Variants in ZNF236 observed in about 807,000 individuals in gnomAD.
ZNF236 encodes regulated by glucose.
ZNF236 carries 50 observed loss-of-function variants against 191.2 expected under a neutral mutation model. The observed-to-expected ratio is 0.26, with a 90% CI of 0.21 to 0.33. ZNF236 has a LOEUF of 0.33. Among genes scored for constraint, ZNF236 ranks in the 10% least tolerant of loss-of-function variants. The pLI, the probability that ZNF236 is intolerant of heterozygous loss-of-function variation, is 1.00. For missense variants in ZNF236, 1,754 were observed against 2,374.5 expected (o/e 0.74, Z 5.43); for synonymous variants, 907 against 928.8 (o/e 0.98, Z 0.43).
chr18:76,925,675 GCCTTTT>G lies in ZNF236; in HGVS notation c.4027+126_4027+131del. ...GTAGCACCACGTTTCCCTTCTTTGAGCCTTTTCCTTATAAGGCATTCGGAAAAATTG... is the reference window on the plus strand; with the variant it reads ...GTAGCACCACGTTTCCCTTCTTTGAGCCTTATAAGGCATTCGGAAAAATTG... On this transcript the variant is annotated intron_variant, in intron 22 of 30. Transcript: ENST00000320610. This position sits in a 1 kb window ranked among gnomAD's most constrained non-coding sequence, Gnocchi z 5.7. 7.3e-7 allele frequency: 1 copy of G among 1,368,564 alleles called. No homozygotes were observed. The highest frequency in any genetic ancestry group is 9.7e-7 in the Non-Finnish European group (1 of 1,034,552). The allele number at this position is 1,368,564 out of a possible 1,614,324, so 84.8% of individuals were successfully genotyped here.
At chr18:76,826,074 G>C (rs1230896409) in intron 1 of ZNF236, among the ~76,000 whole-genome samples, 1 of 152,066 alleles carries the variant, frequency 6.6e-6, no homozygotes, top group African/African-American at 2.4e-5. Flanking sequence ...AAGGGATGTA[G>C]GGATTTTTAC....
chr18:76,937,941 C>T (rs1444812121), intron 26 of ZNF236, among the ~76,000 whole-genome samples: 1 of 152,160 alleles, frequency 6.6e-6, no homozygotes, highest in Non-Finnish European at 1.5e-5. Context: ...TATAACAAAG[C>T]TATGCCAGCA....
At chr18:76,920,974 C>T (rs17060097) in intron 20 of ZNF236, among the ~76,000 whole-genome samples, 4,760 of 152,254 alleles carry the variant, frequency 0.031, 244 homozygotes, top group African/African-American at 0.11. Flanking sequence ...ATGTTTTGCT[C>T]TAGGAGATAG....
Position 76,968,191 on chromosome 18 carries a change from GTGTTTTC to G in ZNF236, c.5420-22_5420-16del. The G allele has an allele frequency of 6.2e-7, 1 of 1,613,628 alleles. No homozygotes were observed. On this transcript the variant is annotated splice_polypyrimidine_tract_variant and intron_variant, in intron 30 of 30. Transcript: ENST00000320610. ...TGCTCTGGAAGGTCTGAGGCTGCTT[GTGTTTTC>G]TTTGTCTGCATAACAGGAGCTCTGC...
intron 21 of ZNF236, among the ~76,000 whole-genome samples, chr18:76,924,305 C>G (rs1018230637): frequency 6.6e-6 from 1 of 152,198 alleles, no homozygotes; most frequent in Non-Finnish European, 1.5e-5. Context: ...ACTTGGTGCA[C>G]GCTGCTTCAT....
chr18:76,950,364 G>A (rs184383098), intron 27 of ZNF236, among the ~76,000 whole-genome samples: 2 of 152,276 alleles, frequency 1.3e-5, no homozygotes, highest in Non-Finnish European at 1.5e-5. Context: ...TCATCACCAG[G>A]AGTAGATTCC....
intron 9 of ZNF236, among the ~76,000 whole-genome samples, chr18:76,882,926 T>C (rs920555584): frequency 6.6e-6 from 1 of 152,206 alleles, no homozygotes; most frequent in African/African-American, 2.4e-5. Context: ...TCTGTGCGAG[T>C]GCCCGCCTGA....
chr18:76,846,982 G>A (rs188738060), intron 1 of ZNF236, among the ~76,000 whole-genome samples: 6 of 151,890 alleles, frequency 4.0e-5, no homozygotes, highest in Admixed American at 6.6e-5. Context: ...TTTCGCAGAG[G>A]GGGTATCACT....
intron 4 of ZNF236, 40 bp from the exon 5 acceptor site, chr18:76,871,661 G>T: frequency 1.2e-6 from 2 of 1,610,804 alleles, no homozygotes; most frequent in South Asian, 1.1e-5. Flanking sequence ...GTACAAGGGA[G>T]ACATCTTACT....
At chr18:76,830,467 C>G (rs1252095974) in intron 1 of ZNF236, among the ~76,000 whole-genome samples, 3 of 152,160 alleles carry the variant, frequency 2.0e-5, no homozygotes, top group African/African-American at 7.2e-5. Flanking sequence ...ACAGTCCTGG[C>G]TTCCTCTCCT....
At chr18:76,828,856 G>A (rs967282349) in intron 1 of ZNF236, among the ~76,000 whole-genome samples, 4 of 152,106 alleles carry the variant, frequency 2.6e-5, no homozygotes, top group African/African-American at 9.7e-5. Context: ...TAGTAGAGAC[G>A]GGGTTTCACC....
intron 1 of ZNF236, among the ~76,000 whole-genome samples, chr18:76,831,271 C>G (rs1013923827): frequency 6.6e-6 from 1 of 152,160 alleles, no homozygotes; most frequent in African/African-American, 2.4e-5. Flanking sequence ...TATAGTTTTG[C>G]CTTCCCCAGA....
rs1968644306 is a variant in ZNF236, at chr18:76,960,639, C to T, written c.5243-40C>T. On this transcript the variant is annotated intron_variant, in intron 29 of 30. Transcript: ENST00000320610. This position sits in a 1 kb window ranked among gnomAD's most constrained non-coding sequence, Gnocchi z 4.4. ...GGGTAGAGCCCAGGCATCCACTATA[C>T]TTTTCTTAGAGACATTGACATATGC... is the stretch of plus-strand genomic sequence containing the variant. The T allele has an allele frequency of 1.2e-6, 2 of 1,613,134 alleles. No individual in the cohort carries two copies. The highest frequency in any genetic ancestry group is 1.7e-6 in the Non-Finnish European group (2 of 1,179,276).
chr18:76,824,397 C>G (rs1470497028), intron 1 of ZNF236: 1 of 780,976 alleles, frequency 1.3e-6, no homozygotes, highest in African/African-American at 1.7e-5. Context: ...TTGGCTGCAC[C>G]ATGACCCAGG....
At chr18:76,945,769 G>A (rs777968323) in intron 26 of ZNF236, among the ~76,000 whole-genome samples, 15 of 152,144 alleles carry the variant, frequency 9.9e-5, no homozygotes, top group South Asian at 2.1e-4. Context: ...GGGTGACAGC[G>A]CAAGACTTTA....
At chr18:76,851,038 TTTA>T (rs1975848666) in intron 2 of ZNF236, among the ~76,000 whole-genome samples, 2 of 140,140 alleles carry the variant, frequency 1.4e-5, no homozygotes, top group Non-Finnish European at 3.1e-5. Context: ...TTTTTTTTTT[TTTA>T]AAAAAAAGCT....
At chr18:76,930,724 G>T (rs1967823383) in intron 25 of ZNF236, among the ~76,000 whole-genome samples, 2 of 152,142 alleles carry the variant, frequency 1.3e-5, no homozygotes, top group South Asian at 2.1e-4. Context: ...ATGCCCCTCA[G>T]ATCCTTTTAA....
At chr18:76,849,778 C>T in intron 2 of ZNF236, 110 bp downstream of exon 2, 2 of 973,952 alleles carry the variant, frequency 2.1e-6, no homozygotes, top group East Asian at 3.1e-5. Context: ...AATAGTAGAA[C>T]ATTTTATATT....
chr18:76,850,914 G>C (rs1174108158), intron 2 of ZNF236, among the ~76,000 whole-genome samples: 1 of 151,362 alleles, frequency 6.6e-6, no homozygotes, highest in Non-Finnish European at 1.5e-5. Flanking sequence ...TGCTTGAAGT[G>C]ATTTTGTTTA....
Sources: gnomAD v4.1 joint callset for allele counts (sites outside exome capture counted in the v4.1 genomes callset) on GRCh38, gnomAD v4.1.1 for gene constraint, Gnocchi (gnomAD v3.1) non-coding constraint, MANE v1.5 for transcripts, NCBI Gene and HGNC (gene_info 2026-07-23, HGNC 2026-07-21) for gene names.